The following PHKA1 variants were observed in gnomAD, a reference collection of about 807,000 sequenced individuals.
PHKA1 encodes the protein phosphorylase b kinase regulatory subunit alpha, skeletal muscle isoform.
In PHKA1, 60 loss-of-function variants were observed where a neutral mutation model predicts 110.2. That is an observed-to-expected ratio of 0.54 (90% CI 0.44 to 0.68). The LOEUF (loss-of-function observed/expected upper bound fraction) is 0.68, where lower values mean the gene tolerates loss of function less well. Ranked by LOEUF, PHKA1 falls within the 30% of genes least tolerant of loss-of-function variation. The probability of loss-of-function intolerance (pLI) is 0.00; values close to 1 mark genes in which losing one functional copy is unlikely to be tolerated. For missense variants in PHKA1, 801 were observed against 942.5 expected (o/e 0.85, Z 1.97); for synonymous variants, 316 against 333.6 (o/e 0.95, Z 0.58).
At chrX:72,618,230 T>C (rs1385490636) in intron 21 of PHKA1, among the ~76,000 whole-genome samples, 2 of 111,779 alleles carry the variant, frequency 1.8e-5, no homozygotes, top group African/African-American at 6.5e-5. Flanking sequence ...TGTGTAAGCT[T>C]GTGGGGTTTA....
At chrX:72,712,486 T>TA (rs2054398351) in intron 2 of PHKA1, 1 of 363,267 alleles carries the variant, frequency 2.8e-6, no homozygotes. Flanking sequence ...TAGATTAACT[T>TA]AGAGAGTCAT....
chrX:72,713,749 C>T, intron 1 of PHKA1, 54 bp downstream of exon 1: 1 of 979,035 alleles, frequency 1.0e-6, no homozygotes, highest in Non-Finnish European at 1.5e-6. Context: ...TCCGTCCAAG[C>T]TATGACAAGC....
rs1440986369 is a variant in PHKA1, at chrX:72,611,541, A to G, written c.2370-357T>C. Among the ~76,000 whole-genome samples, 5 of 112,264 alleles carry G rather than the reference A, an allele frequency of 4.5e-5. No homozygotes were observed. In the Admixed American group the frequency reaches 4.7e-4, roughly 11 times the overall value. ...TACCAACTAGGAAAAAATGTTTGCA[A>G]TTCATAGGATAATTTCCCTTATATA... is the stretch of plus-strand genomic sequence containing the variant. On this transcript the variant is annotated intron_variant, in intron 21 of 31. Coordinates refer to ENST00000373542, the MANE Select transcript of PHKA1 (RefSeq NM_002637.4).
chrX:72,706,328 A>T (rs929253444), intron 2 of PHKA1, among the ~76,000 whole-genome samples: 3 of 111,964 alleles, frequency 2.7e-5, no homozygotes, highest in Non-Finnish European at 5.6e-5. Flanking sequence ...GCAGTGCATG[A>T]TCTTGTCACA....
chrX:72,663,339 G>A (rs1257806634), intron 8 of PHKA1, among the ~76,000 whole-genome samples: 5 of 108,874 alleles, frequency 4.6e-5, no homozygotes, highest in South Asian at 3.9e-4. Context: ...AAAAAAAAAC[G>A]AATAAAAAAG....
At chrX:72,599,865 G>A (rs1393135409) in intron 28 of PHKA1, 3 of 541,276 alleles carry the variant, frequency 5.5e-6, no homozygotes, top group Non-Finnish European at 1.0e-5. Context: ...ACCACCATTG[G>A]ACTATGAGAA....
chrX:72,609,099 A>G, intron 23 of PHKA1, among the ~76,000 whole-genome samples: 1 of 112,131 alleles, frequency 8.9e-6, no homozygotes, highest in Non-Finnish European at 1.9e-5. Context: ...CTTGACTTAC[A>G]TCTCCCTCCA....
intron 21 of PHKA1, among the ~76,000 whole-genome samples, chrX:72,614,462 T>C (rs1180096876): frequency 3.6e-5 from 4 of 112,034 alleles, no homozygotes; most frequent in Non-Finnish European, 7.5e-5. Context: ...AGATTATTTT[T>C]ACTATTACAG....
intron 21 of PHKA1, among the ~76,000 whole-genome samples, chrX:72,617,216 G>GT (rs782595811): frequency 1.8e-5 from 2 of 110,748 alleles, no homozygotes; most frequent in Admixed American, 1.9e-4. Context: ...TGAGAAGTTG[G>GT]TTTTTTTGAA....
At chrX:72,676,576 C>A (rs964553605) in intron 5 of PHKA1, among the ~76,000 whole-genome samples, 1 of 111,817 alleles carries the variant, frequency 8.9e-6, no homozygotes, top group African/African-American at 3.3e-5. Flanking sequence ...CACTAATTTA[C>A]GCATTTTACA....
At chrX:72,613,085 A>G (rs1411907760) in intron 21 of PHKA1, among the ~76,000 whole-genome samples, 1 of 111,527 alleles carries the variant, frequency 9.0e-6, no homozygotes, top group Non-Finnish European at 1.9e-5. Context: ...ACTAAATGAG[A>G]GACCTCAGGT....
At chrX:72,709,585 A>AT (rs1556333660) in intron 2 of PHKA1, 1 of 110,562 alleles carries the variant, frequency 9.0e-6, no homozygotes, top group Non-Finnish European at 1.9e-5. Context: ...AATTTATTGG[A>AT]TTTAATCTAT....
chrX:72,614,743 G>A (rs782784305), intron 21 of PHKA1, among the ~76,000 whole-genome samples: 7 of 111,261 alleles, frequency 6.3e-5, no homozygotes, highest in Non-Finnish European at 1.1e-4. Flanking sequence ...GATTCCCTGT[G>A]GTAGTGTTGA....
At chrX:72,626,366 G>A (rs7877556) in intron 17 of PHKA1, among the ~76,000 whole-genome samples, 25,624 of 109,642 alleles carry the variant, frequency 0.23, 5,251 homozygotes, top group East Asian at 0.67. Flanking sequence ...AAAAGCAGCT[G>A]GAATCAAATA....
At chrX:72,654,433 T>C (rs2053466155) in intron 10 of PHKA1, among the ~76,000 whole-genome samples, 1 of 111,598 alleles carries the variant, frequency 9.0e-6, no homozygotes, top group Non-Finnish European at 1.9e-5. Context: ...CTCAGCCTTT[T>C]AAAAAAATTT....
chrX:72,712,678 C>G, intron 2 of PHKA1, 101 bp downstream of exon 2: 1 of 755,851 alleles, frequency 1.3e-6, no homozygotes. Context: ...AAATACAGTT[C>G]TCTTAGCTTT....
chrX:72,641,591 T>TA (rs2147742565), intron 14 of PHKA1, among the ~76,000 whole-genome samples: 1 of 111,622 alleles, frequency 9.0e-6, no homozygotes, highest in East Asian at 2.8e-4. Context: ...ACAAAGTTGA[T>TA]TAATCTCATA....
At chrX:72,653,340 T>C in intron 11 of PHKA1, 95 bp downstream of exon 11, 1 of 569,947 alleles carries the variant, frequency 1.8e-6, no homozygotes. Flanking sequence ...AACAACAAAA[T>C]AAGATTAAAA....
intron 8 of PHKA1, among the ~76,000 whole-genome samples, chrX:72,665,409 C>T (rs192992480): frequency 2.0e-4 from 22 of 111,195 alleles, no homozygotes; most frequent in Non-Finnish European, 3.0e-4. Flanking sequence ...AAATGTACTC[C>T]GATGAAGAAA....
Sources: allele counts gnomAD v4.1 joint callset (sites outside exome capture counted in the v4.1 genomes callset), GRCh38; gene constraint gnomAD v4.1.1; transcripts MANE v1.5; gene names NCBI Gene and HGNC (gene_info 2026-07-23, HGNC 2026-07-21).